The following RBFOX1 variants were observed in gnomAD, a reference collection of about 807,000 sequenced individuals.
RBFOX1 encodes the protein RNA binding protein fox-1 homolog 1.
RBFOX1 carries 8 observed loss-of-function variants against 57.7 expected under a neutral mutation model. The observed-to-expected ratio is 0.14, with a 90% CI of 0.08 to 0.25. The LOEUF is 0.25. RBFOX1 is among the 10% of genes least tolerant of loss of function. The probability of loss-of-function intolerance (pLI) is 1.00; values close to 1 mark genes in which losing one functional copy is unlikely to be tolerated. For missense variants in RBFOX1, 611 were observed against 548.5 expected (o/e 1.11, Z -1.14); for synonymous variants, 326 against 222.4 (o/e 1.47, Z -4.15).
chr16:7,648,792 C>G (rs2064300372), intron 11 of RBFOX1, among the ~76,000 whole-genome samples: 1 of 152,136 alleles, frequency 6.6e-6, no homozygotes, highest in South Asian at 2.1e-4. Context: ...AATTTTAAAT[C>G]CTGATAGTGT....
At chr16:7,421,890 C>T (rs1286961254) in intron 4 of RBFOX1, among the ~76,000 whole-genome samples, 2 of 152,096 alleles carry the variant, frequency 1.3e-5, no homozygotes, top group Non-Finnish European at 1.5e-5. Flanking sequence ...GAGAAGTGAG[C>T]CCTTAAAAGT....
intron 3 of RBFOX1, among the ~76,000 whole-genome samples, chr16:5,737,311 C>T (rs747998682): frequency 6.6e-5 from 10 of 151,998 alleles, no homozygotes; most frequent in African/African-American, 9.7e-5. Flanking sequence ...TGGTAAAACT[C>T]GGTCTCTCCT....
At chr16:7,147,217 C>T (rs376130659) in intron 4 of RBFOX1, among the ~76,000 whole-genome samples, 1 of 150,738 alleles carries the variant, frequency 6.6e-6, no homozygotes, top group African/African-American at 2.4e-5. Context: ...GTTGGCCAGG[C>T]TGGTCAGGAA....
At chr16:5,481,334 T>C (rs1253377904) in intron 2 of RBFOX1, among the ~76,000 whole-genome samples, 1 of 152,188 alleles carries the variant, frequency 6.6e-6, no homozygotes, top group African/African-American at 2.4e-5. Context: ...CTAGAAGGAA[T>C]TAAGAAAGCC....
At chr16:5,637,858 A>G (rs1249212255) in intron 3 of RBFOX1, among the ~76,000 whole-genome samples, 2 of 152,130 alleles carry the variant, frequency 1.3e-5, no homozygotes, top group Admixed American at 6.5e-5. Flanking sequence ...GGCCTCTCCT[A>G]CCGCCTTAGG....
chr16:6,609,835 C>A (rs927166232), intron 2 of RBFOX1, among the ~76,000 whole-genome samples: 4 of 151,932 alleles, frequency 2.6e-5, no homozygotes, highest in African/African-American at 9.7e-5. Context: ...TGGTGAAACC[C>A]CATCTTTAGT....
At chr16:7,508,133 C>T (rs1009162862) in intron 4 of RBFOX1, among the ~76,000 whole-genome samples, 10 of 151,990 alleles carry the variant, frequency 6.6e-5, no homozygotes, top group African/African-American at 2.2e-4. Flanking sequence ...ATTACAGGCA[C>T]CTGCCACAAT....
At position 5,947,203 on chromosome 16, in the gene RBFOX1, G is replaced by A. The variant is rs1278737922; in HGVS notation, c.351+79868G>A. Among the ~76,000 whole-genome samples the A allele has an allele frequency of 2.0e-5, 3 of 152,104 alleles. No homozygotes were observed. Among genetic ancestry groups the A allele is most frequent in the Admixed American group, 6.5e-5 (1 of 15,272 alleles). On this transcript the variant is annotated intron_variant, in intron 4 of 19. Transcript: ENST00000641259. The surrounding 1 kb of genome is among the most constrained non-coding windows in gnomAD (Gnocchi z 7.2). ...TGCTCTCCAGCCTGGGTGGCAGAGT[G>A]AGACTCTGTCTCTAAAACAAAACAA...
intron 4 of RBFOX1, among the ~76,000 whole-genome samples, chr16:7,219,434 G>A (rs2092546288): frequency 6.6e-6 from 1 of 152,102 alleles, no homozygotes; most frequent in South Asian, 2.1e-4. Context: ...AAGTTTGGGG[G>A]GAAAGAGAAC....
chr16:6,820,356 G>C (rs2091051551), intron 3 of RBFOX1, among the ~76,000 whole-genome samples: 1 of 152,138 alleles, frequency 6.6e-6, no homozygotes, highest in Non-Finnish European at 1.5e-5. Flanking sequence ...TGGATAGATA[G>C]GATTGTTCAG....
chr16:6,521,875 C>G (rs2096506611), intron 2 of RBFOX1, among the ~76,000 whole-genome samples: 1 of 152,214 alleles, frequency 6.6e-6, no homozygotes, highest in Admixed American at 6.5e-5. Context: ...GTCCTTATCA[C>G]TGGCCCATTT....
In RBFOX1 at chr16:5,242,137, A is replaced by T. The variant is rs548246565; in HGVS notation, c.219+2032A>T. ...TCAAGGAAAAGAGAGAGAGAGAGAG[A>T]CAGACAGACCCACAAGTGTCTTAAG... is the stretch of plus-strand genomic sequence containing the variant. On this transcript the variant is annotated intron_variant, in intron 1 of 2. Transcript: ENST00000585867. Among the ~76,000 whole-genome samples the T allele has an allele frequency of 1.8e-4, 27 of 151,634 alleles. No homozygotes were observed. The East Asian group carries it at 4.9e-3, about 27-fold the overall frequency.
intron 2 of RBFOX1, among the ~76,000 whole-genome samples, chr16:6,586,555 GT>G: frequency 6.6e-6 from 1 of 152,152 alleles, no homozygotes; most frequent in East Asian, 1.9e-4. Flanking sequence ...TATATAGCTG[GT>G]TTGGGGCAAA....
At chr16:7,578,938 G>A (rs2093541508) in intron 5 of RBFOX1, among the ~76,000 whole-genome samples, 1 of 152,176 alleles carries the variant, frequency 6.6e-6, no homozygotes, top group African/African-American at 2.4e-5. Context: ...TTATTTGGAA[G>A]ACAGGGGAGG....
chr16:6,460,827 C>A (rs199674969), intron 2 of RBFOX1, among the ~76,000 whole-genome samples: 38 of 141,312 alleles, frequency 2.7e-4, no homozygotes, highest in Admixed American at 2.8e-4. Flanking sequence ...TTCAGAATAC[C>A]AAAAAAAAAA....
At chr16:5,346,354 G>A (rs1207959867) in intron 1 of RBFOX1, among the ~76,000 whole-genome samples, 16 of 152,244 alleles carry the variant, frequency 1.1e-4, no homozygotes, top group Admixed American at 3.3e-4. Flanking sequence ...AATCATCATC[G>A]TCATTACATA....
At chr16:7,038,287 G>C (rs1372021663) in intron 3 of RBFOX1, among the ~76,000 whole-genome samples, 2 of 152,152 alleles carry the variant, frequency 1.3e-5, no homozygotes, top group African/African-American at 2.4e-5. Context: ...GACTGAGCAA[G>C]GGTTTGGGAT....
chr16:7,189,818 C>G (rs886673179), intron 4 of RBFOX1, among the ~76,000 whole-genome samples: 5 of 152,326 alleles, frequency 3.3e-5, no homozygotes, highest in African/African-American at 9.6e-5. Flanking sequence ...TTTCCTCCAG[C>G]TTTCTGGAAG....
chr16:6,937,966 T>C (rs1045178378), intron 3 of RBFOX1, among the ~76,000 whole-genome samples: 2 of 111,798 alleles, frequency 1.8e-5, no homozygotes, highest in African/African-American at 7.0e-5. Flanking sequence ...AGAGGAGAGG[T>C]CCATTTAGAT....
Sources: gnomAD v4.1 joint callset for allele counts (sites outside exome capture counted in the v4.1 genomes callset) on GRCh38, gnomAD v4.1.1 for gene constraint, Gnocchi (gnomAD v3.1) non-coding constraint, MANE v1.5 for transcripts, NCBI Gene and HGNC (gene_info 2026-07-23, HGNC 2026-07-21) for gene names.